PUM2: variants seen among roughly 807,000 people sequenced by gnomAD.
PUM2 encodes pumilio RNA binding family member 2.
PUM2 carries 57 observed loss-of-function variants against 124.5 expected under a neutral mutation model. The observed-to-expected ratio is 0.46, with a 90% CI of 0.37 to 0.57. The LOEUF (loss-of-function observed/expected upper bound fraction) is 0.57. PUM2 is among the 20% of genes least tolerant of loss of function. The pLI is 0.00. For missense variants in PUM2, 1,065 were observed against 1,290.6 expected, an observed-to-expected ratio of 0.83 and a Z score of 2.68; for synonymous variants, 460 against 446.1, an observed-to-expected ratio of 1.03 and a Z score of -0.39.
At chr2:20,327,884 C>T (rs778929238) in intron 1 of PUM2, among the ~76,000 whole-genome samples, 1 of 152,064 alleles carries the variant, frequency 6.6e-6, no homozygotes, top group Non-Finnish European at 1.5e-5. Context: ...CGCCATGTCC[C>T]GTGTATAAAT....
At position 20,350,666 on chromosome 2, in the gene PUM2, G is replaced by C; in HGVS notation, c.-88C>G. The C allele has an allele frequency of 1.0e-6, 1 of 985,474 alleles. No individual in the cohort carries two copies. The highest frequency in any genetic ancestry group is 1.2e-6 in the Non-Finnish European group (1 of 830,030). 61.0% of individuals were successfully genotyped at this position (985,474 alleles called of 1,614,324 possible). A position where few individuals can be genotyped will look rare whatever the true frequency, so the allele number is the denominator to read the frequency against. Reference sequence around the variant, plus strand: ...TGGGCACACGGCGGCGTCGCTCTTGGCGGTCCTCCCCCTCCTCCGCCTTCG... The same window carrying C: ...TGGGCACACGGCGGCGTCGCTCTTGCCGGTCCTCCCCCTCCTCCGCCTTCG... On this transcript the variant is annotated 5_prime_UTR_variant, in exon 1 of 21. Transcript: ENST00000361078.
chr2:20,331,390 T>C (rs978093044), intron 1 of PUM2, among the ~76,000 whole-genome samples: 5 of 152,188 alleles, frequency 3.3e-5, no homozygotes. Flanking sequence ...TGGTTACTGT[T>C]ATCCTAATAG....
intron 14 of PUM2, among the ~76,000 whole-genome samples, chr2:20,262,332 T>C (rs977417939): frequency 6.6e-6 from 1 of 152,238 alleles, no homozygotes; most frequent in Non-Finnish European, 1.5e-5. Context: ...TTTTATACTA[T>C]AGTTTAACTG....
At chr2:20,292,628 T>C (rs1387494384) in intron 9 of PUM2, among the ~76,000 whole-genome samples, 1 of 152,102 alleles carries the variant, frequency 6.6e-6, no homozygotes, top group African/African-American at 2.4e-5. Flanking sequence ...TAAAATTAGA[T>C]TTTATTAAAA....
At chr2:20,269,688 G>A (rs1668581798) in intron 13 of PUM2, among the ~76,000 whole-genome samples, 1 of 152,124 alleles carries the variant, frequency 6.6e-6, no homozygotes, top group Non-Finnish European at 1.5e-5. Context: ...CAATATGCAA[G>A]CAAACATTAG....
At chr2:20,305,847 A>G (rs998030554) in intron 7 of PUM2, among the ~76,000 whole-genome samples, 8 of 152,294 alleles carry the variant, frequency 5.3e-5, no homozygotes, top group African/African-American at 1.9e-4. Context: ...GCAAACCCCT[A>G]TGAGAAAAAT....
chr2:20,350,623 G>A lies in PUM2; in HGVS notation c.-45C>T, dbSNP rs969916651. The A allele has an allele frequency of 1.1e-5, 11 of 985,386 alleles. No homozygotes were observed. The highest frequency in any genetic ancestry group is 1.7e-5 in the African/African-American group (1 of 57,218). The allele number at this position is 985,386 out of a possible 1,614,324, so 61.0% of individuals were successfully genotyped here. A position where few individuals can be genotyped will look rare whatever the true frequency, so the allele number is the denominator to read the frequency against. On this transcript the variant is annotated 5_prime_UTR_variant, in exon 1 of 21. Coordinates refer to ENST00000361078, the MANE Select transcript of PUM2 (RefSeq NM_015317.5). Reference sequence around the variant, plus strand: ...GGGCTGCTGCGGCCGCGCTGCCTCAGCCGGGGACACCGACCGTTGGGCACA... The same window carrying A: ...GGGCTGCTGCGGCCGCGCTGCCTCAACCGGGGACACCGACCGTTGGGCACA...
intron 14 of PUM2, among the ~76,000 whole-genome samples, chr2:20,261,916 A>T (rs2148547952): frequency 1.3e-5 from 2 of 152,236 alleles, no homozygotes; most frequent in South Asian, 4.1e-4. Context: ...ACACAGTGAG[A>T]CCCTGTCTCT....
intron 2 of PUM2, among the ~76,000 whole-genome samples, chr2:20,323,306 G>C (rs1227141278): frequency 2.0e-5 from 3 of 152,054 alleles, no homozygotes; most frequent in Non-Finnish European, 2.9e-5. Context: ...AAATTAGCCA[G>C]GCGTAGTGGC....
intron 1 of PUM2, among the ~76,000 whole-genome samples, chr2:20,337,320 T>G (rs771184547): frequency 1.3e-5 from 2 of 152,242 alleles, no homozygotes; most frequent in Non-Finnish European, 2.9e-5. Flanking sequence ...GTTTGTTTTT[T>G]GTAAGTCCTC....
rs1029176912 is a variant in PUM2 at position 20,251,042 on chromosome 2, T to A, written c.*543A>T. ...CGTTATTTGCATGATAGTTTGTGAA[T>A]TATCAAAATACAACTTAACTCTTTT... On this transcript the variant is annotated 3_prime_UTR_variant, in exon 21 of 21. Coordinates refer to ENST00000361078, the MANE Select transcript of PUM2 (RefSeq NM_015317.5). 1 of 152,618 alleles carries A rather than the reference T, an allele frequency of 6.6e-6. No individual in the cohort carries two copies. The highest frequency in any genetic ancestry group is 2.4e-5 in the African/African-American group (1 of 41,450). 9.5% of individuals were successfully genotyped at this position (152,618 alleles called of 1,614,324 possible). A position where few individuals can be genotyped will look rare whatever the true frequency, so the allele number is the denominator to read the frequency against.
rs1290905344 is a variant in PUM2 at position 20,283,326 on chromosome 2, A to G, written c.1435+17T>C. 1.2e-6 allele frequency: 2 copies of G among 1,612,194 alleles called. No individual in the cohort carries two copies. Among genetic ancestry groups the G allele is most frequent in the Non-Finnish European group, 1.7e-6 (2 of 1,178,936 alleles). ...ACACCAGAAAAATATTATCCTAAAA[A>G]TGTCAGTTACACTTACCAGCTTGTG... On this transcript the variant is annotated intron_variant, in intron 11 of 20. Transcript: ENST00000361078.
At chr2:20,328,663 G>GA (rs1310279954) in intron 1 of PUM2, among the ~76,000 whole-genome samples, 2 of 151,762 alleles carry the variant, frequency 1.3e-5, no homozygotes, top group Non-Finnish European at 2.9e-5. Context: ...TGCTAAAACT[G>GA]AAAAAAATAT....
At chr2:20,312,204 A>T (rs1679764142) in intron 4 of PUM2, 32 bp downstream of exon 4, 1 of 1,519,278 alleles carries the variant, frequency 6.6e-7, no homozygotes, top group East Asian at 2.3e-5. Flanking sequence ...TCTCAAGCAA[A>T]TATTAAATAT....
In PUM2 at chr2:20,256,174, CAA is replaced by C. The variant is rs1558475403; in HGVS notation, c.2485-6_2485-5del. ...CCAGCTCCTTTACCATTTCACTCTG[CAA>C]AAGACAGGATGTCATTTAAATTATT... is the stretch of plus-strand genomic sequence containing the variant. On this transcript the variant is annotated splice_polypyrimidine_tract_variant and splice_region_variant and intron_variant, in intron 16 of 20. Transcript: ENST00000361078. 2 of 1,581,670 alleles carry C rather than the reference CAA, an allele frequency of 1.3e-6. No individual in the cohort carries two copies. The highest frequency in any genetic ancestry group is 8.6e-7 in the Non-Finnish European group (1 of 1,169,304).
At chr2:20,278,865 G>T in intron 12 of PUM2, 46 bp from the exon 13 acceptor site, 2 of 1,402,968 alleles carry the variant, frequency 1.4e-6, no homozygotes, top group South Asian at 1.2e-5. Flanking sequence ...AGTGTTAACT[G>T]AATAAAATCT....
At chr2:20,325,785 CTAAT>C (rs1683543838) in intron 2 of PUM2, among the ~76,000 whole-genome samples, 1 of 152,082 alleles carries the variant, frequency 6.6e-6, no homozygotes, top group Non-Finnish European at 1.5e-5. Flanking sequence ...CCACGCCCGG[CTAAT>C]TTTTTGTATT....
chr2:20,283,593 C>T, intron 10 of PUM2, 107 bp from the exon 11 acceptor site: 3 of 1,123,112 alleles, frequency 2.7e-6, no homozygotes, highest in Non-Finnish European at 3.8e-6. Flanking sequence ...GCTATTTGTA[C>T]CATTACTATA....
At chr2:20,342,697 A>AT (rs1260428790) in intron 1 of PUM2, among the ~76,000 whole-genome samples, 1 of 152,250 alleles carries the variant, frequency 6.6e-6, no homozygotes, top group Non-Finnish European at 1.5e-5. Flanking sequence ...AGTCTAAGAA[A>AT]TATATATGAA....
Sources: gnomAD v4.1 joint callset for allele counts (sites outside exome capture counted in the v4.1 genomes callset) on GRCh38, gnomAD v4.1.1 for gene constraint, MANE v1.5 for transcripts, NCBI Gene and HGNC (gene_info 2026-07-23, HGNC 2026-07-21) for gene names.